The following USP12 variants were observed in gnomAD, a reference collection of about 807,000 sequenced individuals.
The protein encoded by USP12 is ubiquitin carboxyl-terminal hydrolase 12.
Under a neutral mutation model 45.5 loss-of-function variants are expected in USP12, and 19 were observed. The ratio of observed to expected loss-of-function variants is 0.42; its 90% CI spans 0.29 to 0.61. The LOEUF is 0.61. Ranked by LOEUF, USP12 falls within the 20% of genes least tolerant of loss-of-function variation. The probability of loss-of-function intolerance (pLI) is 0.22; values close to 1 mark genes in which losing one functional copy is unlikely to be tolerated. For missense variants in USP12, 242 were observed against 447.7 expected (o/e 0.54, Z 4.15); for synonymous variants, 149 against 148.8 (o/e 1.00, Z -0.01).
At chr13:27,098,841 C>T (rs995768114) in intron 3 of USP12, among the ~76,000 whole-genome samples, 2 of 152,078 alleles carry the variant, frequency 1.3e-5, no homozygotes, top group Non-Finnish European at 2.9e-5. Flanking sequence ...TGCTGGGCAA[C>T]GGTTAAAATG....
intron 1 of USP12, among the ~76,000 whole-genome samples, chr13:27,165,649 A>G (rs1313162103): frequency 6.6e-6 from 1 of 152,178 alleles, no homozygotes; most frequent in African/African-American, 2.4e-5. Context: ...AGAAATAAAC[A>G]TGGAACCTCA....
chr13:27,079,824 C>T (rs982498888), intron 6 of USP12, among the ~76,000 whole-genome samples: 3 of 152,172 alleles, frequency 2.0e-5, no homozygotes, highest in Admixed American at 2.0e-4. Context: ...GAAGTCCTGA[C>T]CACACAGAAA....
Position 27,154,736 on chromosome 13 carries a change from T to C in USP12, c.48+16856A>G, listed in dbSNP as rs1230080641. Among the ~76,000 whole-genome samples the C allele has an allele frequency of 2.0e-5, 3 of 152,306 alleles. No homozygotes were observed. In the East Asian group the frequency reaches 5.8e-4, roughly 29 times the overall value. On this transcript the variant is annotated intron_variant, in intron 1 of 8. Coordinates refer to ENST00000282344, the MANE Select transcript of USP12 (RefSeq NM_182488.4). The stretch of plus-strand genomic sequence containing the variant: ...AATCCCCAGAACCTGTGAATTCAAG[T>C]TGCAGAAGGAATTAAGGTTGCTAAA...
intron 1 of USP12, among the ~76,000 whole-genome samples, chr13:27,140,551 A>G (rs1299920942): frequency 6.6e-6 from 1 of 152,206 alleles, no homozygotes; most frequent in Non-Finnish European, 1.5e-5. Context: ...GGTTAGGCCA[A>G]GGACTCTACT....
In USP12 at chr13:27,140,385, AAC is replaced by A. The variant is rs780581105; in HGVS notation, c.49-23791_49-23790del. 5.3e-5 allele frequency among the ~76,000 whole-genome samples: 8 copies of A among 152,354 alleles called. No homozygotes were observed. The East Asian group carries it at 1.5e-3, about 29-fold the overall frequency. ...ATTTTCAATTCAGCACAGTTATGAA[AAC>A]ACACAGTCAAAACTTTTAGAATATG... On this transcript the variant is annotated intron_variant, in intron 1 of 8. Transcript: ENST00000282344.
chr13:27,113,700 G>C (rs1875576527), intron 2 of USP12, among the ~76,000 whole-genome samples: 1 of 152,164 alleles, frequency 6.6e-6, no homozygotes, highest in African/African-American at 2.4e-5. Context: ...CCCTAAAACA[G>C]GGCTGGACGC....
chr13:27,084,169 T>TACACACACACACACAC (rs374948699), intron 6 of USP12, among the ~76,000 whole-genome samples: 4 of 142,510 alleles, frequency 2.8e-5, no homozygotes, highest in Non-Finnish European at 6.1e-5. Context: ...CATGTTTGCA[T>TACACACACACACACAC]ACACACACAC....
intron 1 of USP12, among the ~76,000 whole-genome samples, chr13:27,167,655 A>T (rs1463505898): frequency 6.6e-6 from 1 of 151,948 alleles, no homozygotes; most frequent in Non-Finnish European, 1.5e-5. Flanking sequence ...TCATAGAAGT[A>T]CTATTTTACT....
chr13:27,106,427 A>C (rs565707), intron 2 of USP12, among the ~76,000 whole-genome samples: 105,233 of 150,734 alleles, frequency 0.7, 36,964 homozygotes, highest in Admixed American at 0.8. Flanking sequence ...GGGGAAATAA[A>C]CCTACTTTAT....
chr13:27,145,121 C>T (rs1396413350), intron 1 of USP12, among the ~76,000 whole-genome samples: 3 of 152,146 alleles, frequency 2.0e-5, no homozygotes. Context: ...TCAAATGTAG[C>T]CATCCCACTC....
intron 2 of USP12, among the ~76,000 whole-genome samples, chr13:27,108,742 C>T (rs140965277): frequency 2.2e-4 from 34 of 152,200 alleles, no homozygotes; most frequent in East Asian, 1.4e-3. Context: ...GGATCAGTTG[C>T]GGTCAGGAGT....
At chr13:27,110,645 G>A (rs146521730) in intron 2 of USP12, among the ~76,000 whole-genome samples, 230 of 152,224 alleles carry the variant, frequency 1.5e-3, no homozygotes, top group African/African-American at 5.2e-3. Context: ...TGATTAAAGC[G>A]TACTGATATC....
At chr13:27,090,272 C>A in intron 4 of USP12, 114 bp from the exon 5 acceptor site, 1 of 828,130 alleles carries the variant, frequency 1.2e-6, no homozygotes, top group African/African-American at 1.7e-5. Flanking sequence ...ATTCTTTTCC[C>A]TCAAGTTCAA....
chr13:27,163,766 C>CT (rs1477606489), intron 1 of USP12, among the ~76,000 whole-genome samples: 3 of 32,616 alleles, frequency 9.2e-5, no homozygotes, highest in Admixed American at 7.5e-4. Context: ...CAAGACCTGT[C>CT]TTAAAAAAAA....
rs544147832 is a variant in USP12 at position 27,079,656 on chromosome 13, C to T, written c.735-4268G>A. Among the ~76,000 whole-genome samples the T allele has an allele frequency of 4.6e-5, 7 of 152,280 alleles. No homozygotes were observed. In the East Asian group the frequency reaches 7.7e-4, roughly 17 times the overall value. Reference sequence around the variant, plus strand: ...AACTGTTTTTCTCAATAGTCAGAAACGTTTTTTAAAGTAAATTTCCTATTT... The same window carrying T: ...AACTGTTTTTCTCAATAGTCAGAAATGTTTTTTAAAGTAAATTTCCTATTT... On this transcript the variant is annotated intron_variant, in intron 6 of 8. Coordinates refer to ENST00000282344, the MANE Select transcript of USP12 (RefSeq NM_182488.4).
At chr13:27,083,874 A>ATATT (rs1555233029) in intron 6 of USP12, among the ~76,000 whole-genome samples, 3 of 146,848 alleles carry the variant, frequency 2.0e-5, no homozygotes, top group African/African-American at 5.1e-5. Context: ...ATATATATAT[A>ATATT]TTTTTTTGAG....
chr13:27,156,917 G>A (rs572902245), intron 1 of USP12, among the ~76,000 whole-genome samples: 9 of 152,250 alleles, frequency 5.9e-5, no homozygotes, highest in Non-Finnish European at 1.2e-4. Context: ...ATGATCCGGC[G>A]GCAAAAGCAC....
At chr13:27,107,330 C>A (rs1237990231) in intron 2 of USP12, among the ~76,000 whole-genome samples, 1 of 151,624 alleles carries the variant, frequency 6.6e-6, no homozygotes, top group African/African-American at 2.4e-5. Context: ...GTCTCAAAAA[C>A]AAACAAACAA....
chr13:27,171,552 A>T, intron 1 of USP12, 40 bp downstream of exon 1: 3 of 1,185,930 alleles, frequency 2.5e-6, no homozygotes, highest in Non-Finnish European at 3.2e-6. Context: ...CCCGCCCGAG[A>T]GGTCCCGGCA....
Sources: gnomAD v4.1 joint callset for allele counts (sites outside exome capture counted in the v4.1 genomes callset) on GRCh38, gnomAD v4.1.1 for gene constraint, MANE v1.5 for transcripts, NCBI Gene and HGNC (gene_info 2026-07-23, HGNC 2026-07-21) for gene names.